The following PSMG2 variants were observed in gnomAD, a reference collection of about 807,000 sequenced individuals.
The protein encoded by PSMG2 is CD40 ligand-activated specific transcript 3.
PSMG2 carries 21 observed loss-of-function variants against 31.5 expected under a neutral mutation model. That is an observed-to-expected ratio of 0.67 (90% confidence interval 0.47 to 0.96). The LOEUF (loss-of-function observed/expected upper bound fraction) is 0.96, where lower values mean the gene tolerates loss of function less well. Ranked by LOEUF, PSMG2 falls within the 40% of genes least tolerant of loss-of-function variation. The pLI, the probability that PSMG2 is intolerant of heterozygous loss-of-function variation, is 0.00. For synonymous variants in PSMG2, 120 were observed against 110.4 expected, an observed-to-expected ratio of 1.09 and a Z score of -0.54; for missense variants, 318 against 321.2, an observed-to-expected ratio of 0.99 and a Z score of 0.08.
At chr18:12,660,106 C>A in intron 1 of PSMG2, among the ~76,000 whole-genome samples, 1 of 152,136 alleles carries the variant, frequency 6.6e-6, no homozygotes, top group Admixed American at 6.5e-5. Flanking sequence ...ACATTTTTAT[C>A]TTTGCCTTAC....
chr18:12,701,620 C>T (rs2040152252), upstream of PSMG2, among the ~76,000 whole-genome samples: 1 of 152,182 alleles, frequency 6.6e-6, no homozygotes, highest in Non-Finnish European at 1.5e-5. Flanking sequence ...GCCTGGCACA[C>T]AAGGGCACCA....
upstream of PSMG2, chr18:12,702,536 G>C (rs1282407289): frequency 2.5e-6 from 4 of 1,607,368 alleles, no homozygotes; most frequent in Non-Finnish European, 2.5e-6. Flanking sequence ...GCTTTCTCCG[G>C]AGGCAGCGAC....
intron 1 of PSMG2, chr18:12,678,012 G>T: frequency 1.1e-6 from 1 of 896,134 alleles, no homozygotes; most frequent in Non-Finnish European, 1.7e-6. Flanking sequence ...TTTGTTCAGG[G>T]CTAGAATAGT....
intron 1 of PSMG2, among the ~76,000 whole-genome samples, chr18:12,689,181 A>T (rs927031171): frequency 1.3e-5 from 2 of 152,172 alleles, no homozygotes; most frequent in African/African-American, 4.8e-5. Context: ...TTTGGCCTGG[A>T]TATGTATATT....
chr18:12,702,680 C>T (rs1316778146), upstream of PSMG2: 2 of 1,024,546 alleles, frequency 2.0e-6, no homozygotes, highest in Non-Finnish European at 1.4e-6. Flanking sequence ...GCGCAGCTCC[C>T]GGGGGACGCA....
At chr18:12,686,285 G>GCA in intron 1 of PSMG2, 2 of 1,613,850 alleles carry the variant, frequency 1.2e-6, no homozygotes, top group Non-Finnish European at 1.7e-6. Context: ...AGAAAGGCCA[G>GCA]CAGAGTGCAC....
At chr18:12,712,855 A>ACCATATGTAC in intron 3 of PSMG2, 95 bp downstream of exon 3, 1 of 906,140 alleles carries the variant, frequency 1.1e-6, no homozygotes, top group Admixed American at 2.1e-5. Context: ...TACTGTTTTT[A>ACCATATGTAC]CCATATGTAC....
intron 1 of PSMG2, among the ~76,000 whole-genome samples, chr18:12,682,874 G>A (rs1445945591): frequency 4.7e-5 from 7 of 149,808 alleles, no homozygotes; most frequent in South Asian, 4.3e-4. Flanking sequence ...CACCCACCTC[G>A]GCCTCCCAAA....
chr18:12,673,328 A>G (rs2144975550), intron 1 of PSMG2: 1 of 1,569,826 alleles, frequency 6.4e-7, no homozygotes, highest in African/African-American at 1.4e-5. Flanking sequence ...TAAAATTCCA[A>G]TTAAACACAG....
chr18:12,664,222 T>A (rs2038757940), intron 1 of PSMG2, among the ~76,000 whole-genome samples: 1 of 151,934 alleles, frequency 6.6e-6, no homozygotes, highest in Admixed American at 6.6e-5. Context: ...ACTACAGGGA[T>A]GTGCCACCAC....
At chr18:12,663,078 T>C (rs946592795) in intron 1 of PSMG2, among the ~76,000 whole-genome samples, 3 of 152,186 alleles carry the variant, frequency 2.0e-5, no homozygotes, top group Admixed American at 6.5e-5. Context: ...CTTATGGAAA[T>C]TGGAGCCTGC....
At chr18:12,703,204 G>A in intron 1 of PSMG2, 40 bp downstream of exon 1, 1 of 1,573,762 alleles carries the variant, frequency 6.4e-7, no homozygotes, top group South Asian at 1.2e-5. Flanking sequence ...GCCTCCCGAG[G>A]CCCCTGCGGT....
chr18:12,686,285 G>A, intron 1 of PSMG2: 9 of 1,613,850 alleles, frequency 5.6e-6, no homozygotes, highest in Admixed American at 1.7e-5. Context: ...AGAAAGGCCA[G>A]CAGAGTGCAC....
intron 1 of PSMG2, among the ~76,000 whole-genome samples, chr18:12,683,991 A>G (rs962751878): frequency 2.7e-5 from 4 of 150,114 alleles, no homozygotes; most frequent in South Asian, 2.1e-4. Context: ...ATCTAAATAT[A>G]TATATGATAT....
In PSMG2 at chr18:12,712,703, G is replaced by C. The variant is rs2040342578; in HGVS notation, c.231G>C (p.Val77=). Residue 77 remains valine (V), a splice_region_variant and synonymous_variant, in exon 3 of 7, where the codon GTG becomes GTC. Coordinates refer to ENST00000317615, the MANE Select transcript of PSMG2 (RefSeq NM_020232.5). ...NSTELSINAE[V]YSLPSRKLVA... ...TTCATTTTCTTCTTGTTTTTATAGT[G>C]TATTCATTGCCTTCAAGAAAGCTGG... is the stretch of plus-strand genomic sequence containing the variant. 1 of 1,594,702 alleles carries C rather than the reference G, an allele frequency of 6.3e-7. No homozygotes were observed. Among genetic ancestry groups the C allele is most frequent in the African/African-American group, 1.3e-5 (1 of 74,452 alleles).
intron 1 of PSMG2, among the ~76,000 whole-genome samples, chr18:12,677,566 A>G (rs2039187462): frequency 6.6e-6 from 1 of 152,124 alleles, no homozygotes; most frequent in Admixed American, 6.6e-5. Context: ...GAAAACAAAC[A>G]GAAACCAACC....
At chr18:12,713,842 C>T (rs976353382) in intron 3 of PSMG2, among the ~76,000 whole-genome samples, 2 of 152,076 alleles carry the variant, frequency 1.3e-5, no homozygotes, top group African/African-American at 2.4e-5. Context: ...TCACTGCAGC[C>T]TCTGCCGTCC....
intron 1 of PSMG2, among the ~76,000 whole-genome samples, chr18:12,693,443 A>C (rs2145080525): frequency 6.6e-6 from 1 of 152,188 alleles, no homozygotes; most frequent in African/African-American, 2.4e-5. Context: ...TTTAATTAAA[A>C]AAAACAAGCT....
intron 1 of PSMG2, among the ~76,000 whole-genome samples, chr18:12,694,517 G>A (rs1262912934): frequency 6.6e-6 from 1 of 152,140 alleles, no homozygotes; most frequent in Non-Finnish European, 1.5e-5. Context: ...TCAGAGACCT[G>A]ACAGTGGAAT....
Sources: gnomAD v4.1 joint callset for allele counts (sites outside exome capture counted in the v4.1 genomes callset) on GRCh38, gnomAD v4.1.1 for gene constraint, MANE v1.5 for transcripts, NCBI Gene and HGNC (gene_info 2026-07-23, HGNC 2026-07-21) for gene names.